ADGRL2: variants seen among roughly 807,000 people sequenced by gnomAD.
The protein encoded by ADGRL2 is calcium-independent alpha-latrotoxin receptor 2.
Under a neutral mutation model 157.4 loss-of-function variants are expected in ADGRL2, and 44 were observed. That is an observed-to-expected ratio of 0.28 (90% CI 0.22 to 0.36). The LOEUF is 0.36. ADGRL2 is among the 10% of genes least tolerant of loss of function. The pLI, the probability that ADGRL2 is intolerant of heterozygous loss-of-function variation, is 1.00. For missense variants in ADGRL2, 1,510 were observed against 1,768.9 expected (o/e 0.85, Z 2.63); for synonymous variants, 585 against 624.7 (o/e 0.94, Z 0.95).
rs184639970 is a variant in ADGRL2, at chr1:81,752,330, T to C, written c.-142-9481T>C. 3.6e-3 allele frequency among the ~76,000 whole-genome samples: 547 copies of C among 152,248 alleles called. 6 individuals are homozygous for C. In the Middle Eastern group the frequency reaches 0.068, roughly 19 times the overall value. Reference sequence around the variant, plus strand: ...TTTCTCTTGTTTATAAGTCACCCATTTGATGACATTTTGTTATAGCAGCCC... The same window carrying C: ...TTTCTCTTGTTTATAAGTCACCCATCTGATGACATTTTGTTATAGCAGCCC... On this transcript the variant is annotated intron_variant, in intron 1 of 20. Coordinates refer to the ADGRL2 transcript ENST00000359929.
chr1:81,619,275 CTT>C (rs36114889), intron 3 of ADGRL2, among the ~76,000 whole-genome samples: 4,519 of 145,614 alleles, frequency 0.031, 204 homozygotes, highest in African/African-American at 0.1. Flanking sequence ...ACAGTTGTGG[CTT>C]TTTTTTTTTT....
intron 1 of ADGRL2, among the ~76,000 whole-genome samples, chr1:81,421,937 G>T (rs2077132564): frequency 6.6e-6 from 1 of 152,022 alleles, no homozygotes; most frequent in East Asian, 1.9e-4. Context: ...TCTCAGCTGG[G>T]AACATACTAC....
intron 3 of ADGRL2, among the ~76,000 whole-genome samples, chr1:81,651,934 T>C (rs2082429949): frequency 6.6e-6 from 1 of 152,086 alleles, no homozygotes; most frequent in Non-Finnish European, 1.5e-5. Flanking sequence ...TATGTTGTCC[T>C]GGCCTCAATT....
chr1:81,818,305 T>C (rs1173405603), intron 1 of ADGRL2, among the ~76,000 whole-genome samples: 1 of 152,222 alleles, frequency 6.6e-6, no homozygotes, highest in Non-Finnish European at 1.5e-5. Flanking sequence ...TTCCTTTTTT[T>C]ACAGATAAGG....
At chr1:81,661,370 T>C (rs1460652830) in intron 3 of ADGRL2, among the ~76,000 whole-genome samples, 4 of 152,200 alleles carry the variant, frequency 2.6e-5, no homozygotes, top group African/African-American at 9.7e-5. Flanking sequence ...TCATTACACG[T>C]TTTTGGTTGC....
At chr1:81,616,679 C>CTTTTTTTTTTTTTTTTTTTTTTTTT (rs1164087131) in intron 3 of ADGRL2, among the ~76,000 whole-genome samples, 1 of 105,988 alleles carries the variant, frequency 9.4e-6, no homozygotes, top group African/African-American at 3.7e-5. Context: ...CTTTTCTTTT[C>CTTTTTTTTTTTTTTTTTTTTTTTTT]TTTTTTTTTT....
chr1:81,858,373 A>G (rs1235554550), intron 2 of ADGRL2, among the ~76,000 whole-genome samples: 2 of 152,172 alleles, frequency 1.3e-5, no homozygotes, highest in Non-Finnish European at 2.9e-5. Context: ...TCATTCAGCA[A>G]ATGCTATGTT....
At chr1:81,516,027 T>A (rs1326751139) in intron 2 of ADGRL2, among the ~76,000 whole-genome samples, 1 of 152,216 alleles carries the variant, frequency 6.6e-6, no homozygotes, top group Admixed American at 6.5e-5. Flanking sequence ...ATATAATTAT[T>A]CAAATTTAAT....
intron 1 of ADGRL2, among the ~76,000 whole-genome samples, chr1:81,422,870 TG>T (rs2077150119): frequency 6.6e-6 from 1 of 152,240 alleles, no homozygotes; most frequent in Admixed American, 6.5e-5. Context: ...TGTTTGCTTT[TG>T]TCCCAAAACA....
intron 2 of ADGRL2, among the ~76,000 whole-genome samples, chr1:81,544,904 A>G (rs79743769): frequency 0.015 from 2,297 of 152,242 alleles, 31 homozygotes; most frequent in Non-Finnish European, 0.027. Flanking sequence ...ATTTCCCGCT[A>G]TGTGATGATC....
Position 81,725,703 on chromosome 1 carries a change from A to G in ADGRL2, c.-143+25895A>G, listed in dbSNP as rs529276968. Among the ~76,000 whole-genome samples the G allele has an allele frequency of 9.6e-4, 146 of 152,342 alleles. 3 individuals are homozygous for G. The highest frequency in any genetic ancestry group is 3.4e-3 in the African/African-American group (142 of 41,576). Reference sequence around the variant, plus strand: ...ATTTATTTAACTGAATTATATTCTAATATTGCAAATATCACCATAAGTGGG... The same window carrying G: ...ATTTATTTAACTGAATTATATTCTAGTATTGCAAATATCACCATAAGTGGG... On this transcript the variant is annotated intron_variant, in intron 1 of 20. Coordinates refer to the ADGRL2 transcript ENST00000359929.
In ADGRL2 at chr1:81,352,221, A is replaced by G. The variant is rs1662950504; in HGVS notation, c.-302+45712A>G. 3.3e-5 allele frequency among the ~76,000 whole-genome samples: 5 copies of G among 152,334 alleles called. No homozygotes were observed. The South Asian group carries it at 1.0e-3, about 32-fold the overall frequency. On this transcript the variant is annotated intron_variant, in intron 1 of 24. Transcript: ENST00000370721. ...TAAAGAGTTGAGGGTGACAGAACAG[A>G]ATTTGTATCATCCCAAATACCTGAT...
Position 81,992,764 on chromosome 1 carries a change from C to A in ADGRL2, c.*1619C>A, listed in dbSNP as rs917143149. On this transcript the variant is annotated 3_prime_UTR_variant, in exon 24 of 24. Coordinates refer to ENST00000686636, the MANE Select transcript of ADGRL2 (RefSeq NM_001366006.2). ...ATTTTTCAGCAGTATTGGGAAGTTT[C>A]TTAAACATACTTTAAGGATTATAAA... Among the ~76,000 whole-genome samples, 26 of 151,870 alleles carry A rather than the reference C, an allele frequency of 1.7e-4. No individual in the cohort carries two copies. The highest frequency in any genetic ancestry group is 2.5e-4 in the Non-Finnish European group (17 of 67,992).
intron 2 of ADGRL2, among the ~76,000 whole-genome samples, chr1:81,485,654 G>C (rs2078484271): frequency 6.6e-6 from 1 of 152,152 alleles, no homozygotes; most frequent in Admixed American, 6.5e-5. Context: ...CAGTATTGCT[G>C]TAGGGTGCAC....
chr1:81,836,554 A>G (rs190977837), intron 1 of ADGRL2, among the ~76,000 whole-genome samples: 2 of 152,106 alleles, frequency 1.3e-5, no homozygotes, highest in African/African-American at 4.8e-5. Context: ...AACTGGATCC[A>G]TAGGGGCTAT....
intron 1 of ADGRL2, among the ~76,000 whole-genome samples, chr1:81,431,956 G>C (rs555304458): frequency 6.6e-6 from 1 of 152,276 alleles, no homozygotes; most frequent in Non-Finnish European, 1.5e-5. Context: ...AGGGAGAGAG[G>C]TTCGGGGGTG....
chr1:81,498,656 GACAA>G (rs1350621034), intron 2 of ADGRL2, among the ~76,000 whole-genome samples: 2 of 152,168 alleles, frequency 1.3e-5, no homozygotes, highest in Non-Finnish European at 2.9e-5. Context: ...ATGTTTGCTT[GACAA>G]ACAAGCAAGC....
chr1:81,678,990 C>T (rs745867033), intron 3 of ADGRL2, among the ~76,000 whole-genome samples: 8 of 152,144 alleles, frequency 5.3e-5, no homozygotes, highest in Non-Finnish European at 8.8e-5. Context: ...TGCTATTATT[C>T]AGCATTTATT....
intron 1 of ADGRL2, among the ~76,000 whole-genome samples, chr1:81,444,607 T>C (rs567306053): frequency 9.2e-5 from 14 of 152,304 alleles, no homozygotes; most frequent in Admixed American, 2.6e-4. Context: ...TTCCGAAGAA[T>C]GGTGGCAGCT....
Sources: gnomAD v4.1 joint callset for allele counts (sites outside exome capture counted in the v4.1 genomes callset) on GRCh38, gnomAD v4.1.1 for gene constraint, MANE v1.5 for transcripts, NCBI Gene and HGNC (gene_info 2026-07-23, HGNC 2026-07-21) for gene names.